CSMD1: variants seen among roughly 807,000 people sequenced by gnomAD.
The protein encoded by CSMD1 is CUB and Sushi multiple domains 1.
In CSMD1, 213 loss-of-function variants were observed where a neutral mutation model predicts 417.5. That is an observed-to-expected ratio of 0.51 (90% CI 0.46 to 0.57). The LOEUF (loss-of-function observed/expected upper bound fraction) is 0.57, where lower values mean the gene tolerates loss of function less well. Among genes scored for constraint, CSMD1 ranks in the 20% least tolerant of loss-of-function variants. CSMD1 has a pLI of 0.00. For missense variants in CSMD1, 6,923 were observed against 4,529.7 expected (o/e 1.53, Z -15.17); for synonymous variants, 2,862 against 1,736.8 (o/e 1.65, Z -16.11).
intron 3 of CSMD1, among the ~76,000 whole-genome samples, chr8:4,386,586 T>TA (rs1381263557): frequency 6.6e-6 from 1 of 152,204 alleles, no homozygotes; most frequent in Non-Finnish European, 1.5e-5. Context: ...AAAGGCCTGT[T>TA]ACGGCAGGGC....
intron 1 of CSMD1, among the ~76,000 whole-genome samples, chr8:4,800,214 G>A (rs1335330690): frequency 6.6e-6 from 1 of 152,108 alleles, no homozygotes; most frequent in Admixed American, 6.5e-5. Context: ...CAAGGCGGAT[G>A]GATCACCTGA....
chr8:3,788,400 C>T (rs1489953431), intron 5 of CSMD1, among the ~76,000 whole-genome samples: 1 of 152,102 alleles, frequency 6.6e-6, no homozygotes, highest in African/African-American at 2.4e-5. Context: ...TCACAGAAGA[C>T]CCAAGTGAGG....
intron 1 of CSMD1, among the ~76,000 whole-genome samples, chr8:4,645,297 TG>T (rs1315668156): frequency 6.6e-6 from 1 of 152,048 alleles, no homozygotes; most frequent in Non-Finnish European, 1.5e-5. Flanking sequence ...CCTCTGCTGT[TG>T]CCCCCAGGGG....
At chr8:3,794,646 G>C (rs957891546) in intron 5 of CSMD1, among the ~76,000 whole-genome samples, 1 of 151,798 alleles carries the variant, frequency 6.6e-6, no homozygotes, top group African/African-American at 2.4e-5. Flanking sequence ...CACATGACTA[G>C]AAGTTATGTG....
At chr8:4,121,593 G>C (rs1372852972) in intron 3 of CSMD1, among the ~76,000 whole-genome samples, 1 of 144,414 alleles carries the variant, frequency 6.9e-6, no homozygotes, top group Admixed American at 7.0e-5. Context: ...CAAAAGAGAA[G>C]TAAATCATGT....
intron 12 of CSMD1, among the ~76,000 whole-genome samples, chr8:3,439,356 G>C (rs1814818491): frequency 7.6e-6 from 1 of 131,592 alleles, no homozygotes; most frequent in Non-Finnish European, 1.6e-5. Flanking sequence ...TTTGATAGCT[G>C]TGTATAATAG....
chr8:4,796,775 C>G (rs922893238), intron 1 of CSMD1, among the ~76,000 whole-genome samples: 2 of 152,192 alleles, frequency 1.3e-5, no homozygotes, highest in Admixed American at 6.5e-5. Flanking sequence ...TCCCCTTCCC[C>G]TTTTGCAATC....
intron 49 of CSMD1, among the ~76,000 whole-genome samples, chr8:3,055,217 G>T (rs1356051141): frequency 6.6e-6 from 1 of 152,184 alleles, no homozygotes; most frequent in Non-Finnish European, 1.5e-5. Context: ...CAAAGCAGAA[G>T]ATCTTTATAG....
chr8:3,007,350 G>A (rs1253897522), intron 52 of CSMD1, among the ~76,000 whole-genome samples: 1 of 151,902 alleles, frequency 6.6e-6, no homozygotes, highest in Non-Finnish European at 1.5e-5. Context: ...AACCATTGTG[G>A]AAGTCAGTGT....
At chr8:4,705,028 T>G (rs149999052) in intron 1 of CSMD1, among the ~76,000 whole-genome samples, 4 of 152,200 alleles carry the variant, frequency 2.6e-5, no homozygotes, top group African/African-American at 9.6e-5. Flanking sequence ...TCATGGTAGT[T>G]ATTTTTCCCA....
intron 3 of CSMD1, among the ~76,000 whole-genome samples, chr8:4,106,830 T>G (rs1026932320): frequency 5.9e-5 from 9 of 152,088 alleles, no homozygotes; most frequent in Non-Finnish European, 1.0e-4. Context: ...GCACACACTA[T>G]CCGAAGTCAG....
intron 3 of CSMD1, among the ~76,000 whole-genome samples, chr8:4,099,133 C>T (rs1049677068): frequency 6.6e-6 from 1 of 151,628 alleles, no homozygotes; most frequent in Non-Finnish European, 1.5e-5. Context: ...CCAGTGGATT[C>T]CTTCTTTCAG....
intron 3 of CSMD1, among the ~76,000 whole-genome samples, chr8:4,136,905 C>G (rs750455341): frequency 6.6e-6 from 1 of 152,158 alleles, no homozygotes; most frequent in Non-Finnish European, 1.5e-5. Flanking sequence ...AGAAAACAGT[C>G]ACAGCCACTC....
At chr8:4,095,876 A>C (rs1800980666) in intron 3 of CSMD1, among the ~76,000 whole-genome samples, 1 of 152,186 alleles carries the variant, frequency 6.6e-6, no homozygotes, top group African/African-American at 2.4e-5. Context: ...CTAAACTATC[A>C]ATGTTAAGAG....
intron 2 of CSMD1, among the ~76,000 whole-genome samples, chr8:4,481,489 G>T (rs1213374316): frequency 6.6e-6 from 1 of 152,170 alleles, no homozygotes. Context: ...AGGCATATGA[G>T]ATTTGATCAA....
intron 50 of CSMD1, among the ~76,000 whole-genome samples, chr8:3,033,861 A>C (rs745847490): frequency 6.6e-6 from 1 of 152,230 alleles, no homozygotes; most frequent in Admixed American, 6.5e-5. Context: ...GTGAACTGCA[A>C]CCTCACTCAG....
At chr8:3,793,918 T>A (rs2720759) in intron 5 of CSMD1, among the ~76,000 whole-genome samples, 151,975 of 152,266 alleles carry the variant, frequency 1, 75,843 homozygotes, top group Non-Finnish European at 1. Flanking sequence ...ATTGCTGTGA[T>A]TCTCTTGATA....
At chr8:3,195,205 A>T (rs1002662918) in intron 33 of CSMD1, among the ~76,000 whole-genome samples, 8 of 152,170 alleles carry the variant, frequency 5.3e-5, no homozygotes, top group African/African-American at 1.9e-4. Flanking sequence ...TCCAACATGA[A>T]GGTTTACTGA....
rs536521831 is a variant in CSMD1 at position 4,067,200 on chromosome 8, C to T, written c.416-35101G>A. ...GAAAGGCTATCCTCCGTCTTTGCAT[C>T]TATTTTATCATCTTTTTTCTACATG... On this transcript the variant is annotated intron_variant, in intron 3 of 69. Coordinates refer to ENST00000635120, the MANE Select transcript of CSMD1 (RefSeq NM_033225.6). Among the ~76,000 whole-genome samples the T allele has an allele frequency of 6.6e-5, 10 of 152,322 alleles. No individual in the cohort carries two copies. In the South Asian group the frequency reaches 1.4e-3, roughly 22 times the overall value.
Sources: gnomAD v4.1 joint callset for allele counts (sites outside exome capture counted in the v4.1 genomes callset) on GRCh38, gnomAD v4.1.1 for gene constraint, MANE v1.5 for transcripts, NCBI Gene and HGNC (gene_info 2026-07-23, HGNC 2026-07-21) for gene names.